The following GPHN variants were observed in gnomAD, a reference collection of about 807,000 sequenced individuals.
GPHN encodes the protein gephyrin.
GPHN carries 17 observed loss-of-function variants against 95.5 expected under a neutral mutation model. The observed-to-expected ratio is 0.18, with a 90% CI of 0.12 to 0.27. The LOEUF (loss-of-function observed/expected upper bound fraction) is 0.27. GPHN is among the 10% of genes least tolerant of loss of function. The pLI is 1.00. For missense variants in GPHN, 660 were observed against 978.1 expected, an observed-to-expected ratio of 0.67 and a Z score of 4.34; for synonymous variants, 320 against 322.5, an observed-to-expected ratio of 0.99 and a Z score of 0.08.
intron 10 of GPHN, among the ~76,000 whole-genome samples, chr14:67,027,214 A>G (rs2073972571): frequency 6.6e-6 from 1 of 152,226 alleles, no homozygotes; most frequent in African/African-American, 2.4e-5. Context: ...TTTTTAATAA[A>G]GCAAACTTTT....
chr14:66,586,938 A>G (rs1278321924), intron 1 of GPHN, among the ~76,000 whole-genome samples: 2 of 152,176 alleles, frequency 1.3e-5, no homozygotes, highest in African/African-American at 2.4e-5. Flanking sequence ...CTGTAAAACA[A>G]TAGGAAAGAT....
chr14:67,618,956 A>G, the GPHN span, among the ~76,000 whole-genome samples: 269 of 152,322 alleles, frequency 1.8e-3, 1 homozygote, highest in African/African-American at 6.2e-3. Context: ...TCAGGAGTTT[A>G]TGTAAAAAAT....
rs200060659 is a variant in GPHN, at chr14:67,058,795, A to C, written c.1144+9A>C. ...AATCATCAATTACCGAGGTACTATT[A>C]TATTTGACCATTGCCCTTTCTTTTC... is the stretch of plus-strand genomic sequence containing the variant. On this transcript the variant is annotated intron_variant, in intron 11 of 22. Transcript: ENST00000478722. 5 of 1,611,344 alleles carry C rather than the reference A, an allele frequency of 3.1e-6. No homozygotes were observed. In the South Asian group the frequency reaches 5.5e-5, roughly 18 times the overall value.
the GPHN span, among the ~76,000 whole-genome samples, chr14:67,632,204 A>T: frequency 4.6e-5 from 7 of 152,228 alleles, no homozygotes; most frequent in South Asian, 2.1e-4. Flanking sequence ...TATCTCTAAT[A>T]CTTATTTTTC....
the GPHN span, chr14:67,579,836 C>G: frequency 1.2e-6 from 2 of 1,606,916 alleles, no homozygotes; most frequent in African/African-American, 2.7e-5. Flanking sequence ...GACGATCCCT[C>G]GGGCAGGGAC....
At chr14:67,575,785 C>G in the GPHN span, 4 of 1,541,758 alleles carry the variant, frequency 2.6e-6, no homozygotes, top group Non-Finnish European at 3.6e-6. Context: ...CCTCATCCCC[C>G]ACTGGCTCTC....
chr14:67,381,819 G>A, the GPHN span: 8 of 592,438 alleles, frequency 1.4e-5, no homozygotes, highest in South Asian at 1.7e-4. Flanking sequence ...TCTTAAAATT[G>A]AGCAGTGGTT....
intron 11 of GPHN, among the ~76,000 whole-genome samples, chr14:67,062,769 G>GT (rs1241709173): frequency 6.6e-6 from 1 of 151,938 alleles, no homozygotes. Flanking sequence ...GGGTTGTTTG[G>GT]TTTTTTTCTT....
chr14:67,071,303 A>T (rs982204718), intron 11 of GPHN, among the ~76,000 whole-genome samples: 3 of 152,224 alleles, frequency 2.0e-5, no homozygotes, highest in Admixed American at 2.0e-4. Flanking sequence ...CTATGCAGCC[A>T]TAAAAAATGA....
intron 1 of GPHN, among the ~76,000 whole-genome samples, chr14:66,568,688 A>G (rs1417873367): frequency 6.6e-6 from 1 of 152,090 alleles, no homozygotes; most frequent in African/African-American, 2.4e-5. Context: ...TCAAAAGCCT[A>G]CTTGAACTAC....
At chr14:67,218,935 A>G in the GPHN span, among the ~76,000 whole-genome samples, 1 of 151,958 alleles carries the variant, frequency 6.6e-6, no homozygotes, top group Non-Finnish European at 1.5e-5. Context: ...ATCCTGGCCC[A>G]GGTTCTGCAC....
At chr14:67,126,949 A>G (rs1451628590) in intron 17 of GPHN, among the ~76,000 whole-genome samples, 8 of 152,072 alleles carry the variant, frequency 5.3e-5, no homozygotes, top group Admixed American at 1.3e-4. Flanking sequence ...CTTTGTAGGG[A>G]CATGGATGAA....
intron 3 of GPHN, among the ~76,000 whole-genome samples, chr14:66,790,668 G>A (rs1319075151): frequency 6.6e-6 from 1 of 152,204 alleles, no homozygotes; most frequent in Non-Finnish European, 1.5e-5. Flanking sequence ...ATAGGAAAGG[G>A]AAAGGGGAGA....
chr14:66,868,244 C>T lies in GPHN; in HGVS notation c.295-11695C>T, dbSNP rs74385147. ...TTATTAAATCTACCTAATCAGGTTA[C>T]AAGCACATGAGTACTAATATATAAA... On this transcript the variant is annotated intron_variant, in intron 4 of 22. Transcript: ENST00000478722. Among the ~76,000 whole-genome samples, 736 of 152,264 alleles carry T rather than the reference C, an allele frequency of 4.8e-3. 6 individuals carry two copies. Among genetic ancestry groups the T allele is most frequent in the African/African-American group, 0.017 (692 of 41,556 alleles).
At chr14:66,749,608 C>G (rs1220089677) in intron 2 of GPHN, among the ~76,000 whole-genome samples, 1 of 151,802 alleles carries the variant, frequency 6.6e-6, no homozygotes, top group Non-Finnish European at 1.5e-5. Flanking sequence ...TGTGGAGTAT[C>G]TTTTCACATT....
At chr14:66,610,676 T>G (rs148281887) in intron 1 of GPHN, among the ~76,000 whole-genome samples, 72 of 152,210 alleles carry the variant, frequency 4.7e-4, no homozygotes, top group African/African-American at 1.7e-3. Context: ...AAGGAAGACT[T>G]TATTTAGGGT....
intron 4 of GPHN, chr14:66,842,805 G>A (rs1035025718): frequency 5.3e-6 from 5 of 942,960 alleles, no homozygotes; most frequent in Non-Finnish European, 8.0e-6. Flanking sequence ...AAAATGCTTG[G>A]ATCCATTTTT....
chr14:66,523,777 A>C (rs1180675942), intron 1 of GPHN, among the ~76,000 whole-genome samples: 1 of 152,116 alleles, frequency 6.6e-6, no homozygotes, highest in Non-Finnish European at 1.5e-5. Flanking sequence ...AATACATTTG[A>C]ATATAATTAC....
chr14:66,688,139 G>T (rs577232033), intron 2 of GPHN, among the ~76,000 whole-genome samples: 1 of 152,070 alleles, frequency 6.6e-6, no homozygotes, highest in African/African-American at 2.4e-5. Flanking sequence ...AGAAAAGAAA[G>T]TATTATTAAG....
Sources: gnomAD v4.1 joint callset for allele counts (sites outside exome capture counted in the v4.1 genomes callset) on GRCh38, gnomAD v4.1.1 for gene constraint, MANE v1.5 for transcripts, NCBI Gene and HGNC (gene_info 2026-07-23, HGNC 2026-07-21) for gene names.